Variants in ZNF821 observed in about 807,000 individuals in gnomAD.
ZNF821 encodes zinc finger protein 821.
A neutral mutation model predicts 44.3 loss-of-function variants in ZNF821; 16 were observed. That is an observed-to-expected ratio of 0.36 (90% CI 0.24 to 0.55). The LOEUF (loss-of-function observed/expected upper bound fraction) is 0.55. ZNF821 is among the 20% of genes least tolerant of loss of function. ZNF821 has a pLI of 0.86. For missense variants in ZNF821, 436 were observed against 547.6 expected (o/e 0.80, Z 2.03); for synonymous variants, 204 against 197.6 (o/e 1.03, Z -0.27).
At chr16:71,878,923 C>CAA (rs1168652069) in intron 3 of ZNF821, among the ~76,000 whole-genome samples, 6 of 61,742 alleles carry the variant, frequency 9.7e-5, no homozygotes, top group African/African-American at 1.9e-4. Context: ...GACTCTGTCT[C>CAA]AAAAAAAAAA....
intron 3 of ZNF821, among the ~76,000 whole-genome samples, chr16:71,875,067 C>A (rs1386931939): frequency 6.6e-6 from 1 of 152,202 alleles, no homozygotes; most frequent in African/African-American, 2.4e-5. Context: ...AAAACAGCCC[C>A]TCCCTGGGGG....
chr16:71,868,091 G>A, intron 3 of ZNF821, 54 bp from the exon 4 acceptor site: 3 of 1,515,062 alleles, frequency 2.0e-6, no homozygotes, highest in East Asian at 2.5e-5. Flanking sequence ...CATATCCCCA[G>A]GCAAGCTGGT....
At chr16:71,865,099 T>C (rs762410811) in intron 4 of ZNF821, 51 bp from the exon 5 acceptor site, 29 of 1,610,162 alleles carry the variant, frequency 1.8e-5, no homozygotes, top group Middle Eastern at 1.6e-4. Context: ...GAATACATCC[T>C]GAGCTGCTCT....
intron 6 of ZNF821, among the ~76,000 whole-genome samples, chr16:71,862,816 G>A (rs2034058834): frequency 6.6e-6 from 1 of 152,092 alleles, no homozygotes; most frequent in Non-Finnish European, 1.5e-5. Flanking sequence ...CCCTGTGATT[G>A]GATCATGGTA....
Position 71,860,796 on chromosome 16 carries a change from T to G in ZNF821, c.585-124A>C, listed in dbSNP as rs374505351. 2.4e-5 allele frequency: 22 copies of G among 911,740 alleles called. No homozygotes were observed. Among genetic ancestry groups the G allele is most frequent in the East Asian group, 1.8e-4 (7 of 37,846 alleles). 56.5% of individuals were successfully genotyped at this position (911,740 alleles called of 1,614,324 possible). ...GCTCACCACAAGGGGTCAGTTTGAA[T>G]GCTTGGTGGACCTCTTCTGCTGCTC... is the stretch of plus-strand genomic sequence containing the variant. On this transcript the variant is annotated intron_variant, in intron 7 of 7. Transcript: ENST00000425432. The surrounding 1 kb of genome is among the most constrained non-coding windows in gnomAD (Gnocchi z 7.3).
At chr16:71,875,463 T>TC (rs2035700371) in intron 3 of ZNF821, among the ~76,000 whole-genome samples, 1 of 149,848 alleles carries the variant, frequency 6.7e-6, no homozygotes. Context: ...TTTCTTTTTT[T>TC]TTTTTTTTGA....
chr16:71,890,753 T>G, intron 1 of ZNF821: 1 of 130,104 alleles, frequency 7.7e-6, no homozygotes, highest in East Asian at 2.4e-4. Flanking sequence ...TTCATGCTCC[T>G]CCCCTTCCTG....
At chr16:71,873,125 C>T (rs924945903) in intron 3 of ZNF821, among the ~76,000 whole-genome samples, 3 of 152,142 alleles carry the variant, frequency 2.0e-5, no homozygotes, top group Non-Finnish European at 2.9e-5. Flanking sequence ...AGTTTGAGAC[C>T]ACCCTGGCCA....
intron 4 of ZNF821, among the ~76,000 whole-genome samples, chr16:71,867,504 T>C (rs750089563): frequency 3.9e-5 from 6 of 152,036 alleles, no homozygotes; most frequent in Admixed American, 6.6e-5. Flanking sequence ...CTGACCAACA[T>C]GGAGAAACCC....
intron 6 of ZNF821, 148 bp from the exon 7 acceptor site, chr16:71,862,090 G>C: frequency 1.1e-6 from 1 of 903,414 alleles, no homozygotes; most frequent in Non-Finnish European, 1.6e-6. Flanking sequence ...AGAAAAGTCA[G>C]TCTCTTACAT....
chr16:71,892,578 T>A (rs989118075), intron 1 of ZNF821, among the ~76,000 whole-genome samples: 19 of 127,344 alleles, frequency 1.5e-4, no homozygotes, highest in Non-Finnish European at 3.7e-4. Context: ...AAAATTTTTT[T>A]TTTTTTTTTT....
At chr16:71,892,875 G>GC (rs1336014086) in intron 1 of ZNF821, among the ~76,000 whole-genome samples, 6 of 150,476 alleles carry the variant, frequency 4.0e-5, no homozygotes, top group Admixed American at 6.6e-5. Flanking sequence ...GATTACAGGC[G>GC]CCCGCCACCA....
intron 1 of ZNF821, among the ~76,000 whole-genome samples, chr16:71,891,729 G>A (rs555777716): frequency 3.9e-5 from 6 of 152,266 alleles, no homozygotes; most frequent in Non-Finnish European, 5.9e-5. Context: ...CAAAAAATCG[G>A]CCAAGCGTGG....
intron 3 of ZNF821, among the ~76,000 whole-genome samples, chr16:71,869,321 A>G (rs558356393): frequency 6.6e-6 from 1 of 152,292 alleles, no homozygotes; most frequent in South Asian, 2.1e-4. Flanking sequence ...ATGTGGGAGG[A>G]ACTAAATGGT....
chr16:71,864,123 C>A lies in ZNF821; in HGVS notation c.417+15G>T. On this transcript the variant is annotated intron_variant, in intron 6 of 7. Transcript: ENST00000425432. ...CACACTTGTGTTCCAGAGCACACAGCTCCCCCATCCATACCTGGTACACGT... is the reference window on the plus strand; with the variant it reads ...CACACTTGTGTTCCAGAGCACACAGATCCCCCATCCATACCTGGTACACGT... The A allele has an allele frequency of 6.2e-7, 1 of 1,610,824 alleles. No homozygotes were observed. The highest frequency in any genetic ancestry group is 8.5e-7 in the Non-Finnish European group (1 of 1,177,382).
In ZNF821 at chr16:71,864,920, C is replaced by G. The variant is rs368720139; in HGVS notation, c.295G>C (p.Glu99Gln). 9 of 1,614,046 alleles carry G rather than the reference C, an allele frequency of 5.6e-6. No homozygotes were observed. In the African/African-American group the frequency reaches 1.1e-4, roughly 19 times the overall value. ...TCACTTGCCTCGTGCTCTACCACTT[C>G]GTTCCCACCAACAGGCTGTTCTGTA... ...ENTEQPVGGN[E>Q]VVEHEVTGNL... Residue 99 changes from glutamate to glutamine, a missense_variant, in exon 5 of 8, where the codon GAA (glutamate) becomes CAA (glutamine). Around this residue, in one of 5 missense-constraint regions of ZNF821, gnomAD observed 238 missense variants for 281.4 expected, o/e 0.85. Coordinates refer to ENST00000425432, the MANE Select transcript of ZNF821 (RefSeq NM_001201552.2).
chr16:71,883,368 G>A, intron 1 of ZNF821, 95 bp from the exon 2 acceptor site: 2 of 364,758 alleles, frequency 5.5e-6, no homozygotes, highest in African/African-American at 2.1e-5. Flanking sequence ...CTAATCAGCC[G>A]AGATGGTCCC....
At chr16:71,876,827 C>G (rs1320526111) in intron 3 of ZNF821, among the ~76,000 whole-genome samples, 2 of 152,130 alleles carry the variant, frequency 1.3e-5, no homozygotes, top group Non-Finnish European at 2.9e-5. Flanking sequence ...ATGCTGCACT[C>G]AAACTCCTGG....
Position 71,864,949 on chromosome 16 carries a change from TCTAA to T in ZNF821, c.262_265del (p.Leu88LysfsTer13). The T allele has an allele frequency of 6.2e-7, 1 of 1,614,170 alleles. No individual in the cohort carries two copies. Among genetic ancestry groups the T allele is most frequent in the Non-Finnish European group, 8.5e-7 (1 of 1,180,016 alleles). On this transcript the variant is annotated frameshift_variant, in exon 5 of 8. Transcript: ENST00000425432. LOFTEE classifies it high-confidence loss of function. Reference sequence around the variant, plus strand: ...CCCACCAACAGGCTGTTCTGTATTTTCTAACTCTTTCTCCACTTTGACCACCCCT... The same window carrying T: ...CCCACCAACAGGCTGTTCTGTATTTTCTCTTTCTCCACTTTGACCACCCCT...
Sources: gnomAD v4.1 joint callset for allele counts (sites outside exome capture counted in the v4.1 genomes callset) on GRCh38, gnomAD v4.1.1 for gene constraint, gnomAD v4.1.1 regional missense constraint, Gnocchi (gnomAD v3.1) non-coding constraint, MANE v1.5 for transcripts, NCBI Gene and HGNC (gene_info 2026-07-23, HGNC 2026-07-21) for gene names.